Variants in VAC14 observed in about 807,000 individuals in gnomAD.
VAC14 encodes the protein protein VAC14 homolog.
Under a neutral mutation model 85.3 loss-of-function variants are expected in VAC14, and 47 were observed. The observed-to-expected ratio is 0.55, with a 90% confidence interval of 0.44 to 0.70. VAC14 has a LOEUF of 0.70. VAC14 is among the 30% of genes least tolerant of loss of function. VAC14 has a pLI of 0.00. For missense variants in VAC14, 861 were observed against 1,004.3 expected (o/e 0.86, Z 1.93); for synonymous variants, 447 against 430.5 (o/e 1.04, Z -0.47).
intron 14 of VAC14, chr16:70,700,338 G>A (rs1029132345): frequency 6.6e-6 from 1 of 152,350 alleles, no homozygotes; most frequent in East Asian, 1.9e-4. Context: ...CCGCACGAGT[G>A]AGGGCCGCTT....
chr16:70,796,944 C>G (rs950140585), intron 1 of VAC14, among the ~76,000 whole-genome samples: 1 of 152,110 alleles, frequency 6.6e-6, no homozygotes, highest in African/African-American at 2.4e-5. Context: ...AAAGGAGACA[C>G]CAGGCTGGGG....
At chr16:70,720,906 G>T (rs2142998743) in intron 14 of VAC14, among the ~76,000 whole-genome samples, 1 of 152,232 alleles carries the variant, frequency 6.6e-6, no homozygotes, top group Admixed American at 6.5e-5. Context: ...AAAGGAAAGT[G>T]AGAGACGGGG....
At chr16:70,714,146 G>A (rs927753313) in intron 14 of VAC14, 9 of 152,198 alleles carry the variant, frequency 5.9e-5, no homozygotes, top group South Asian at 2.1e-4. Context: ...GCGGGGGTCG[G>A]GGAGGGGGCT....
chr16:70,726,908 C>A (rs2054445710), intron 14 of VAC14, among the ~76,000 whole-genome samples: 1 of 152,246 alleles, frequency 6.6e-6, no homozygotes, highest in African/African-American at 2.4e-5. Context: ...CCCACTCAAG[C>A]CTGGCTGGAG....
chr16:70,689,777 T>C (rs2053564492), intron 18 of VAC14: 20 of 985,408 alleles, frequency 2.0e-5, no homozygotes, highest in Non-Finnish European at 2.4e-5. Flanking sequence ...CTGTGGGCAG[T>C]GTTCTAGGCT....
intron 13 of VAC14, among the ~76,000 whole-genome samples, chr16:70,734,753 A>G (rs555137188): frequency 1.2e-4 from 19 of 152,054 alleles, no homozygotes; most frequent in African/African-American, 4.6e-4. Flanking sequence ...TAAACCCTTC[A>G]CACATAGTAT....
At chr16:70,689,103 A>T in intron 18 of VAC14, 1 of 984,470 alleles carries the variant, frequency 1.0e-6, no homozygotes, top group Non-Finnish European at 1.2e-6. Context: ...AGAGCACAGG[A>T]TCTAGACAGA....
At chr16:70,789,430 C>G (rs2034221624) in intron 1 of VAC14, among the ~76,000 whole-genome samples, 1 of 152,150 alleles carries the variant, frequency 6.6e-6, no homozygotes, top group Non-Finnish European at 1.5e-5. Context: ...GCTTCATATT[C>G]TGTTAATCAA....
chr16:70,705,321 GGGA>G (rs2053900723), intron 14 of VAC14, among the ~76,000 whole-genome samples: 1 of 152,242 alleles, frequency 6.6e-6, no homozygotes, highest in Non-Finnish European at 1.5e-5. Context: ...TGTTCAGCCT[GGGA>G]GGAGGAGAGG....
At chr16:70,725,986 G>A (rs1013643435) in intron 14 of VAC14, among the ~76,000 whole-genome samples, 17 of 152,386 alleles carry the variant, frequency 1.1e-4, no homozygotes, top group African/African-American at 3.8e-4. Context: ...AGTCGCTGAA[G>A]CCAAAGCGCG....
At chr16:70,791,124 C>T (rs1272645185) in intron 1 of VAC14, among the ~76,000 whole-genome samples, 1 of 152,212 alleles carries the variant, frequency 6.6e-6, no homozygotes, top group African/African-American at 2.4e-5. Flanking sequence ...CTACTCCAGC[C>T]AGGCCTGCCT....
chr16:70,785,174 T>C (rs2033990510), intron 3 of VAC14, among the ~76,000 whole-genome samples: 1 of 152,254 alleles, frequency 6.6e-6, no homozygotes, highest in Admixed American at 6.5e-5. Context: ...TGGGTCCTTG[T>C]TCCACTCCTG....
intron 18 of VAC14, chr16:70,690,668 C>G (rs546849994): frequency 1.3e-5 from 13 of 985,538 alleles, no homozygotes; most frequent in Non-Finnish European, 1.6e-5. Context: ...AGGCCTGCCC[C>G]GCAACTCGAC....
At chr16:70,743,464 G>C (rs1008405870) in intron 13 of VAC14, among the ~76,000 whole-genome samples, 2 of 152,160 alleles carry the variant, frequency 1.3e-5, no homozygotes, top group African/African-American at 4.8e-5. Context: ...CTCACTCTTT[G>C]AGTCCGCACC....
intron 14 of VAC14, among the ~76,000 whole-genome samples, chr16:70,706,071 T>C (rs746500470): frequency 2.6e-5 from 4 of 152,150 alleles, no homozygotes; most frequent in Non-Finnish European, 5.9e-5. Context: ...TGGTGCTCAT[T>C]TCCCACCCCA....
chr16:70,798,917 AAACAG>A (rs2034655832), intron 1 of VAC14, among the ~76,000 whole-genome samples: 1 of 152,234 alleles, frequency 6.6e-6, no homozygotes, highest in South Asian at 2.1e-4. Context: ...ACAGATACAT[AAACAG>A]AACTCTCTGC....
chr16:70,706,010 A>G (rs2053913918), intron 14 of VAC14, among the ~76,000 whole-genome samples: 1 of 152,122 alleles, frequency 6.6e-6, no homozygotes, highest in African/African-American at 2.4e-5. Flanking sequence ...CAAGAACCCT[A>G]TCGGGTTCTT....
chr16:70,708,598 C>T (rs899870010), intron 14 of VAC14, among the ~76,000 whole-genome samples: 30 of 152,204 alleles, frequency 2.0e-4, no homozygotes, highest in African/African-American at 6.3e-4. Flanking sequence ...AAAGAGGCTG[C>T]GCCTTCTATC....
intron 12 of VAC14, among the ~76,000 whole-genome samples, chr16:70,756,829 C>T (rs1460209093): frequency 1.3e-5 from 2 of 152,174 alleles, no homozygotes; most frequent in African/African-American, 4.8e-5. Flanking sequence ...AGACCTTGCC[C>T]CCTACCATCC....
Sources: allele counts gnomAD v4.1 joint callset (sites outside exome capture counted in the v4.1 genomes callset), GRCh38; gene constraint gnomAD v4.1.1; transcripts MANE v1.5; gene names NCBI Gene and HGNC (gene_info 2026-07-23, HGNC 2026-07-21).